OCA2: variants seen among roughly 807,000 people sequenced by gnomAD.
The protein encoded by OCA2 is OCA2 melanosomal transmembrane protein, also known as P protein.
Under a neutral mutation model 100.2 loss-of-function variants are expected in OCA2, and 77 were observed. The observed-to-expected ratio is 0.77, with a 90% confidence interval of 0.64 to 0.93. The LOEUF is 0.93. Ranked by LOEUF, OCA2 falls within the 40% of genes least tolerant of loss-of-function variation. OCA2 has a pLI of 0.00. For synonymous variants in OCA2, 432 were observed against 439.2 expected, an observed-to-expected ratio of 0.98 and a Z score of 0.21; for missense variants, 1,062 against 1,089.1, an observed-to-expected ratio of 0.98 and a Z score of 0.35.
At chr15:27,891,386 G>A (rs116309595) in intron 19 of OCA2, among the ~76,000 whole-genome samples, 2,367 of 152,216 alleles carry the variant, frequency 0.016, 55 homozygotes, top group African/African-American at 0.05. Flanking sequence ...AAAGAAACAT[G>A]GGTATGTACT....
At chr15:27,989,374 A>AT (rs1409836428) in intron 11 of OCA2, among the ~76,000 whole-genome samples, 1 of 152,178 alleles carries the variant, frequency 6.6e-6, no homozygotes, top group Non-Finnish European at 1.5e-5. Flanking sequence ...CTAAATGGCA[A>AT]TATGACTTCA....
intron 2 of OCA2, among the ~76,000 whole-genome samples, chr15:28,076,516 A>C (rs2044429873): frequency 2.0e-5 from 3 of 152,214 alleles, no homozygotes; most frequent in Middle Eastern, 3.2e-3. Flanking sequence ...TCCACTGATT[A>C]GAAATAAACC....
intron 19 of OCA2, among the ~76,000 whole-genome samples, chr15:27,900,071 G>A (rs556167580): frequency 1.3e-4 from 20 of 152,076 alleles, no homozygotes; most frequent in Non-Finnish European, 2.4e-4. Flanking sequence ...CTCAGGATGC[G>A]GCAACCATGG....
intron 21 of OCA2, among the ~76,000 whole-genome samples, chr15:27,855,554 C>T (rs2035918966): frequency 6.6e-6 from 1 of 152,236 alleles, no homozygotes; most frequent in South Asian, 2.1e-4. Flanking sequence ...AATGTGGCTG[C>T]TATTTTATCA....
At chr15:28,091,540 A>T (rs891647334) in intron 1 of OCA2, among the ~76,000 whole-genome samples, 10 of 152,232 alleles carry the variant, frequency 6.6e-5, no homozygotes, top group Admixed American at 4.6e-4. Context: ...TTGAACATGG[A>T]GCTACCATAT....
intron 18 of OCA2, among the ~76,000 whole-genome samples, chr15:27,947,160 T>C (rs2039867917): frequency 6.6e-6 from 1 of 152,230 alleles, no homozygotes; most frequent in African/African-American, 2.4e-5. Context: ...TGTGTACACA[T>C]GTTAAATGAA....
chr15:27,852,489 A>T (rs1023335661), intron 21 of OCA2, among the ~76,000 whole-genome samples: 2 of 152,358 alleles, frequency 1.3e-5, no homozygotes, highest in Admixed American at 1.3e-4. Flanking sequence ...AACCTAGGCA[A>T]TACCATTCAG....
the OCA2 span, among the ~76,000 whole-genome samples, chr15:27,746,955 CAA>C: frequency 6.6e-6 from 1 of 152,222 alleles, no homozygotes; most frequent in Non-Finnish European, 1.5e-5. Context: ...AACCCTGGCT[CAA>C]GACATCCATT....
At chr15:27,796,480 C>T (rs561287089) in intron 23 of OCA2, among the ~76,000 whole-genome samples, 101 of 152,352 alleles carry the variant, frequency 6.6e-4, no homozygotes, top group African/African-American at 2.3e-3. Flanking sequence ...AGGTACTCAG[C>T]GAGTGCTGGT....
chr15:27,894,636 G>A (rs1450761364), intron 19 of OCA2, among the ~76,000 whole-genome samples: 1 of 152,196 alleles, frequency 6.6e-6, no homozygotes, highest in Non-Finnish European at 1.5e-5. Flanking sequence ...TGACTCTCCT[G>A]CTTCAGCCCA....
intron 21 of OCA2, among the ~76,000 whole-genome samples, chr15:27,855,785 C>A (rs1181514768): frequency 6.6e-6 from 1 of 152,170 alleles, no homozygotes; most frequent in Non-Finnish European, 1.5e-5. Context: ...TTTACAGTGG[C>A]AGACAGAAAA....
At chr15:27,837,614 A>G (rs2035200744) in intron 23 of OCA2, among the ~76,000 whole-genome samples, 1 of 152,210 alleles carries the variant, frequency 6.6e-6, no homozygotes, top group Non-Finnish European at 1.5e-5. Flanking sequence ...AGTAACAGCC[A>G]GAAGTAGGAA....
chr15:27,771,031 TCCCTCCC>T, intron 23 of OCA2, among the ~76,000 whole-genome samples: 2 of 138,272 alleles, frequency 1.4e-5, no homozygotes, highest in Non-Finnish European at 3.1e-5. Context: ...TTTCCTTCCC[TCCCTCCC>T]TCTTTTCCTT....
chr15:27,953,138 G>T (rs2040092331), intron 17 of OCA2, among the ~76,000 whole-genome samples: 1 of 152,210 alleles, frequency 6.6e-6, no homozygotes. Context: ...TACCATCATA[G>T]TGATCTATAG....
At chr15:27,889,231 A>G (rs374423638) in intron 19 of OCA2, among the ~76,000 whole-genome samples, 6 of 152,340 alleles carry the variant, frequency 3.9e-5, no homozygotes, top group East Asian at 3.9e-4. Flanking sequence ...CTTGAGCGCT[A>G]TATTTCATGG....
chr15:27,833,810 C>T (rs1379468534), intron 23 of OCA2, among the ~76,000 whole-genome samples: 2 of 152,130 alleles, frequency 1.3e-5, no homozygotes, highest in African/African-American at 4.8e-5. Context: ...TGAATGGCTT[C>T]TCCGGAGATC....
intron 9 of OCA2, 47 bp downstream of exon 9, chr15:28,014,729 C>A: frequency 6.2e-7 from 1 of 1,600,408 alleles, no homozygotes. Context: ...CTCAAGCCTC[C>A]CTGACTGTGG....
chr15:27,959,395 T>C (rs559841380), intron 15 of OCA2, among the ~76,000 whole-genome samples: 4 of 152,192 alleles, frequency 2.6e-5, no homozygotes, highest in African/African-American at 7.2e-5. Context: ...AAAAAACTAA[T>C]GAACTCACTC....
intron 19 of OCA2, among the ~76,000 whole-genome samples, chr15:27,925,013 T>C (rs2038994261): frequency 6.6e-6 from 1 of 152,148 alleles, no homozygotes; most frequent in African/African-American, 2.4e-5. Context: ...TTAGTAATGA[T>C]AAAGTTCAAT....
Sources: gnomAD v4.1 joint callset for allele counts (sites outside exome capture counted in the v4.1 genomes callset) on GRCh38, gnomAD v4.1.1 for gene constraint, MANE v1.5 for transcripts, NCBI Gene and HGNC (gene_info 2026-07-23, HGNC 2026-07-21) for gene names.